The following APOL5 variants were observed in gnomAD, a reference collection of about 807,000 sequenced individuals.
APOL5 encodes apolipoprotein L5.
APOL5 carries 29 observed loss-of-function variants against 35.5 expected under a neutral mutation model. The observed-to-expected ratio is 0.82, with a 90% CI of 0.61 to 1.11. APOL5 has a LOEUF of 1.11. APOL5 is among the 50% of genes most tolerant of loss of function. APOL5 has a pLI of 0.00. For synonymous variants in APOL5, 188 were observed against 200.2 expected (o/e 0.94, Z 0.51); for missense variants, 514 against 530.4 (o/e 0.97, Z 0.30).
intron 2 of APOL5, among the ~76,000 whole-genome samples, chr22:35,725,437 T>A (rs989226032): frequency 1.3e-5 from 2 of 152,076 alleles, no homozygotes; most frequent in Admixed American, 6.5e-5. Context: ...GTATTTTTAG[T>A]AGAGATGGGG....
upstream of APOL5, among the ~76,000 whole-genome samples, chr22:35,717,235 A>AAAAAATATATATATATATATATATATAT: frequency 5.2e-5 from 3 of 57,662 alleles, no homozygotes; most frequent in African/African-American, 2.4e-4. Flanking sequence ...AAAAAAAAAA[A>AAAAAATATATATATATATATATATATAT]ATATATATAT....
At chr22:35,714,879 C>A (rs117668536), upstream of APOL5, among the ~76,000 whole-genome samples, 1,554 of 152,312 alleles carry the variant, frequency 0.01, 27 homozygotes, top group Middle Eastern at 0.068. Context: ...GTAATGGAAA[C>A]CACTCAGAAG....
At chr22:35,724,021 G>A (rs1927061528) in intron 2 of APOL5, among the ~76,000 whole-genome samples, 1 of 152,126 alleles carries the variant, frequency 6.6e-6, no homozygotes, top group Non-Finnish European at 1.5e-5. Context: ...GAATGACAGT[G>A]AGCCCTCTCC....
chr22:35,713,072 A>G (rs925065659), upstream of APOL5, among the ~76,000 whole-genome samples: 1 of 152,340 alleles, frequency 6.6e-6, no homozygotes. Flanking sequence ...GGGAACACCC[A>G]TTGCCTTGAA....
At chr22:35,712,291 G>A in the APOL5 span, among the ~76,000 whole-genome samples, 1 of 152,136 alleles carries the variant, frequency 6.6e-6, no homozygotes, top group Non-Finnish European at 1.5e-5. Context: ...TTACAGGCAT[G>A]AGCCACCACA....
chr22:35,715,582 G>A (rs1018538417), upstream of APOL5, among the ~76,000 whole-genome samples: 3 of 152,144 alleles, frequency 2.0e-5, no homozygotes, highest in Non-Finnish European at 2.9e-5. Flanking sequence ...GGAGGCAGAG[G>A]TTGCAAAGCC....
intron 3 of APOL5, among the ~76,000 whole-genome samples, chr22:35,728,074 C>T (rs566211138): frequency 6.6e-6 from 1 of 152,276 alleles, no homozygotes; most frequent in African/African-American, 2.4e-5. Flanking sequence ...TGTGATGGGC[C>T]GAGGACTTAG....
At chr22:35,728,933 T>C in intron 4 of APOL5, 29 bp downstream of exon 4, 2 of 1,552,050 alleles carry the variant, frequency 1.3e-6, no homozygotes, top group Non-Finnish European at 1.7e-6. Context: ...AGCCAGGAGC[T>C]GTGGGAACCC....
the APOL5 span, among the ~76,000 whole-genome samples, chr22:35,712,378 T>A: frequency 6.6e-6 from 1 of 152,146 alleles, no homozygotes; most frequent in East Asian, 1.9e-4. Flanking sequence ...TTCAAAATAA[T>A]TATTATTTTT....
intron 1 of APOL5, among the ~76,000 whole-genome samples, chr22:35,720,340 T>C (rs1482717276): frequency 6.6e-6 from 1 of 152,248 alleles, no homozygotes; most frequent in Admixed American, 6.5e-5. Context: ...CGATTTCCAG[T>C]TTTATTGCAT....
chr22:35,708,679 T>C, the APOL5 span, among the ~76,000 whole-genome samples: 2 of 152,184 alleles, frequency 1.3e-5, no homozygotes, highest in African/African-American at 2.4e-5. Flanking sequence ...TACGCTTTCC[T>C]CTGCGCTGAT....
intron 3 of APOL5, among the ~76,000 whole-genome samples, chr22:35,728,151 G>GTGGGTCCCACCC (rs1927237079): frequency 1.3e-5 from 2 of 152,208 alleles, no homozygotes; most frequent in African/African-American, 4.8e-5. Context: ...TGATGAGTGG[G>GTGGGTCCCACCC]TGGGTCCCAC....
chr22:35,710,122 T>C, the APOL5 span, among the ~76,000 whole-genome samples: 19 of 125,716 alleles, frequency 1.5e-4, no homozygotes, highest in East Asian at 3.6e-3. Flanking sequence ...TCTTTTTTTT[T>C]TTTTTTTTTT....
At chr22:35,722,816 C>T (rs1927019863) in intron 2 of APOL5, among the ~76,000 whole-genome samples, 1 of 152,202 alleles carries the variant, frequency 6.6e-6, no homozygotes. Context: ...CACCGTGATT[C>T]TCCCGTGCTT....
rs1232092542 is a variant in APOL5 at position 35,726,617 on chromosome 22, C to CA, written c.551dup (p.Asn184LysfsTer10). 1 of 1,614,150 alleles carries CA rather than the reference C, an allele frequency of 6.2e-7. No homozygotes were observed. The highest frequency in any genetic ancestry group is 1.1e-5 in the South Asian group (1 of 91,084). ...GGTTGGGGGCAGCAGCTGCCATCACCAACATAGTAACAAATGTCTTAGAAA... is the reference window on the plus strand; with the variant it reads ...GGTTGGGGGCAGCAGCTGCCATCACCAAACATAGTAACAAATGTCTTAGAAA... On this transcript the variant is annotated frameshift_variant, in exon 3 of 5. Transcript: ENST00000249044. LOFTEE classifies it high-confidence loss of function.
upstream of APOL5, among the ~76,000 whole-genome samples, chr22:35,717,255 T>TA (rs1167745529): frequency 8.1e-6 from 1 of 123,156 alleles, no homozygotes; most frequent in East Asian, 2.9e-4. Flanking sequence ...TATATATATA[T>TA]TAGCTGGGTG....
upstream of APOL5, among the ~76,000 whole-genome samples, chr22:35,717,609 AG>A (rs1157688215): frequency 6.6e-6 from 1 of 151,192 alleles, no homozygotes; most frequent in Non-Finnish European, 1.5e-5. Flanking sequence ...GCATGGTGGC[AG>A]GCACCTGTAA....
intron 3 of APOL5, 152 bp downstream of exon 3, chr22:35,727,346 A>G: frequency 1.8e-6 from 2 of 1,136,538 alleles, no homozygotes; most frequent in Non-Finnish European, 2.4e-6. Context: ...CCCTGACATT[A>G]ACTAGGCGCC....
At chr22:35,715,885 G>T (rs1282267658), upstream of APOL5, among the ~76,000 whole-genome samples, 1 of 152,144 alleles carries the variant, frequency 6.6e-6, no homozygotes, top group Admixed American at 6.6e-5. Context: ...AGCATAGGAA[G>T]AGAGCAAAGA....
Sources: gnomAD v4.1 joint callset for allele counts (sites outside exome capture counted in the v4.1 genomes callset) on GRCh38, gnomAD v4.1.1 for gene constraint, MANE v1.5 for transcripts, NCBI Gene and HGNC (gene_info 2026-07-23, HGNC 2026-07-21) for gene names.